The following PALLD variants were observed in gnomAD, a reference collection of about 807,000 sequenced individuals.
The protein encoded by PALLD is palladin.
PALLD carries 61 observed loss-of-function variants against 123.5 expected under a neutral mutation model. That is an observed-to-expected ratio of 0.49 (90% CI 0.40 to 0.61). The LOEUF is 0.61. PALLD is among the 20% of genes least tolerant of loss of function. The pLI is 0.00. For synonymous variants in PALLD, 465 were observed against 496.4 expected, an observed-to-expected ratio of 0.94 and a Z score of 0.84; for missense variants, 1,273 against 1,377.0, an observed-to-expected ratio of 0.92 and a Z score of 1.20.
intron 2 of PALLD, among the ~76,000 whole-genome samples, chr4:168,663,119 G>A (rs1335979758): frequency 6.6e-6 from 1 of 152,178 alleles, no homozygotes; most frequent in African/African-American, 2.4e-5. Context: ...TCTTTGATAA[G>A]CTCAATGGCA....
chr4:168,780,965 G>C (rs1735832891), intron 10 of PALLD, among the ~76,000 whole-genome samples: 1 of 152,206 alleles, frequency 6.6e-6, no homozygotes, highest in Non-Finnish European at 1.5e-5. Flanking sequence ...TGGAATTACA[G>C]GCATGAGCCA....
chr4:168,566,104 C>G (rs897803879), intron 2 of PALLD, among the ~76,000 whole-genome samples: 2 of 152,104 alleles, frequency 1.3e-5, no homozygotes, highest in Non-Finnish European at 2.9e-5. Flanking sequence ...CTTAGCCAAT[C>G]TCTTTGGCCA....
chr4:168,864,526 C>G (rs1478070613), intron 10 of PALLD: 1 of 152,158 alleles, frequency 6.6e-6, no homozygotes, highest in African/African-American at 2.4e-5. Context: ...TCCATGCTTT[C>G]CTGTGTATCT....
chr4:168,644,906 C>T (rs1295448866), intron 2 of PALLD, among the ~76,000 whole-genome samples: 1 of 151,986 alleles, frequency 6.6e-6, no homozygotes. Context: ...AGTTCAAGAC[C>T]AGCCTGGCCA....
At chr4:168,896,642 GTC>G in intron 13 of PALLD, 43 bp downstream of exon 13, 2 of 1,124,398 alleles carry the variant, frequency 1.8e-6, no homozygotes, top group Non-Finnish European at 2.6e-6. Flanking sequence ...CTTTCTCTGT[GTC>G]TGTTTTCTTC....
intron 10 of PALLD, among the ~76,000 whole-genome samples, chr4:168,826,940 G>A (rs1240281374): frequency 1.3e-5 from 2 of 152,094 alleles, no homozygotes; most frequent in South Asian, 2.1e-4. Context: ...GCCCCCTCCC[G>A]ACTCTGATTT....
chr4:168,662,497 A>G (rs1452042638), intron 2 of PALLD, among the ~76,000 whole-genome samples: 1 of 152,366 alleles, frequency 6.6e-6, no homozygotes. Flanking sequence ...ACTAGCAAAG[A>G]ACATTCTGAT....
intron 10 of PALLD, among the ~76,000 whole-genome samples, chr4:168,804,132 C>G (rs189251295): frequency 6.6e-6 from 1 of 151,998 alleles, no homozygotes; most frequent in Admixed American, 6.6e-5. Context: ...CCAAAACAGC[C>G]CCAGGTTGAA....
chr4:168,821,449 A>G (rs1270283051), intron 10 of PALLD, among the ~76,000 whole-genome samples: 1 of 152,072 alleles, frequency 6.6e-6, no homozygotes, highest in Non-Finnish European at 1.5e-5. Context: ...AATATCAAGT[A>G]TATGTATGTG....
At chr4:168,857,702 G>A (rs1168489953) in intron 10 of PALLD, among the ~76,000 whole-genome samples, 1 of 152,218 alleles carries the variant, frequency 6.6e-6, no homozygotes, top group African/African-American at 2.4e-5. Context: ...ACTCAAGTGT[G>A]TTTCAGGGAG....
intron 5 of PALLD, 104 bp from the exon 6 acceptor site, chr4:168,685,381 C>T (rs978318798): frequency 1.3e-6 from 1 of 789,796 alleles, no homozygotes; most frequent in East Asian, 2.4e-5. Context: ...TTCATTCACT[C>T]ATTTCCTTCA....
At chr4:168,692,409 A>G (rs1484503196) in intron 8 of PALLD, among the ~76,000 whole-genome samples, 1 of 152,160 alleles carries the variant, frequency 6.6e-6, no homozygotes, top group Admixed American at 6.5e-5. Context: ...CACATCAAAT[A>G]CTGTAGTCAC....
chr4:168,503,913 A>C (rs1193473148), intron 1 of PALLD, among the ~76,000 whole-genome samples: 1 of 152,178 alleles, frequency 6.6e-6, no homozygotes, highest in Non-Finnish European at 1.5e-5. Flanking sequence ...CATAGGAAAA[A>C]AATAAAAACC....
At chr4:168,561,906 CACTAATCAACAGA>C (rs200392715) in intron 2 of PALLD, among the ~76,000 whole-genome samples, 4,149 of 152,216 alleles carry the variant, frequency 0.027, 78 homozygotes, top group Non-Finnish European at 0.037. Flanking sequence ...CTTTTCCCTC[CACTAATCAACAGA>C]TATTTCCATA....
intron 6 of PALLD, among the ~76,000 whole-genome samples, chr4:168,689,432 CTTTTTT>C (rs70961551): frequency 2.8e-4 from 14 of 49,852 alleles, no homozygotes; most frequent in Admixed American, 7.0e-4. Flanking sequence ...ATCCAATATT[CTTTTTT>C]TTTTTTTTTT....
chr4:168,548,887 C>CTTG lies in PALLD; in HGVS notation c.908+36477_908+36479dup, dbSNP rs778224238. On this transcript the variant is annotated intron_variant, in intron 2 of 21. Coordinates refer to ENST00000505667, the MANE Select transcript of PALLD (RefSeq NM_001166108.2). ...TGCAGACTGGGTACAGTGGCTCATA[C>CTTG]TTGTAATCACAATATTTTGGGAGGC... Among the ~76,000 whole-genome samples the CTTG allele has an allele frequency of 4.6e-5, 7 of 152,150 alleles. No individual in the cohort carries two copies. The East Asian group carries it at 9.7e-4, about 21-fold the overall frequency.
intron 10 of PALLD, among the ~76,000 whole-genome samples, chr4:168,883,959 A>AT (rs397771182): frequency 1.3e-5 from 2 of 151,078 alleles, no homozygotes; most frequent in Non-Finnish European, 3.0e-5. Flanking sequence ...AAAAAAAAAA[A>AT]GGAGATCATG....
chr4:168,759,702 T>G (rs976478777), intron 10 of PALLD, among the ~76,000 whole-genome samples: 9 of 152,172 alleles, frequency 5.9e-5, no homozygotes, highest in African/African-American at 1.7e-4. Flanking sequence ...ACTGAAATTC[T>G]AATCCTGTGC....
At chr4:168,772,151 G>A (rs1734545075) in intron 10 of PALLD, among the ~76,000 whole-genome samples, 1 of 152,030 alleles carries the variant, frequency 6.6e-6, no homozygotes, top group Non-Finnish European at 1.5e-5. Flanking sequence ...CCATTTTACA[G>A]GTAAGGAAAC....
Sources: allele counts gnomAD v4.1 joint callset (sites outside exome capture counted in the v4.1 genomes callset), GRCh38; gene constraint gnomAD v4.1.1; transcripts MANE v1.5; gene names NCBI Gene and HGNC (gene_info 2026-07-23, HGNC 2026-07-21).